The following MBP variants were observed in gnomAD, a reference collection of about 807,000 sequenced individuals.
The protein encoded by MBP is myelin basic protein.
A neutral mutation model predicts 35.8 loss-of-function variants in MBP; 16 were observed. The ratio of observed to expected loss-of-function variants is 0.45; its 90% CI spans 0.30 to 0.68. The LOEUF (loss-of-function observed/expected upper bound fraction) is 0.68. Among genes scored for constraint, MBP ranks in the 30% least tolerant of loss-of-function variants. MBP has a pLI of 0.08. For missense variants in MBP, 380 were observed against 404.7 expected (o/e 0.94, Z 0.52); for synonymous variants, 143 against 159.6 (o/e 0.90, Z 0.78).
intron 3 of MBP, among the ~76,000 whole-genome samples, chr18:77,027,104 G>A (rs1972254224): frequency 1.3e-5 from 2 of 152,038 alleles, no homozygotes; most frequent in African/African-American, 4.8e-5. Flanking sequence ...TCATAGGCCA[G>A]TAAAATAGGA....
chr18:77,087,327 A>T (rs1975285126), intron 2 of MBP: 1 of 152,244 alleles, frequency 6.6e-6, no homozygotes, highest in African/African-American at 2.4e-5. Flanking sequence ...AAAAAGGCCA[A>T]CATTGATGAT....
At chr18:77,096,039 T>C (rs1975745743) in intron 2 of MBP, among the ~76,000 whole-genome samples, 1 of 152,238 alleles carries the variant, frequency 6.6e-6, no homozygotes, top group Non-Finnish European at 1.5e-5. Context: ...CAGAACTCAC[T>C]AAAGATGTTA....
At chr18:77,094,452 G>A (rs1975675816) in intron 2 of MBP, among the ~76,000 whole-genome samples, 1 of 152,194 alleles carries the variant, frequency 6.6e-6, no homozygotes, top group Non-Finnish European at 1.5e-5. Context: ...CCCGGACTCT[G>A]CAGGAGGCAC....
intron 3 of MBP, among the ~76,000 whole-genome samples, chr18:77,062,645 A>G (rs1279445244): frequency 6.6e-6 from 1 of 152,236 alleles, no homozygotes; most frequent in Non-Finnish European, 1.5e-5. Context: ...GTGGATTGCT[A>G]AGAGAATGAC....
chr18:76,984,644 G>T, intron 8 of MBP, 131 bp downstream of exon 8: 1 of 1,301,282 alleles, frequency 7.7e-7, no homozygotes, highest in Non-Finnish European at 1.1e-6. Context: ...CTGCACGCCT[G>T]CTGGGACAGA....
intron 4 of MBP, among the ~76,000 whole-genome samples, chr18:77,000,232 C>A (rs1230675172): frequency 3.9e-5 from 6 of 152,212 alleles, no homozygotes; most frequent in Non-Finnish European, 5.9e-5. Flanking sequence ...AAAAATTCTA[C>A]CACCGAAGGA....
chr18:77,105,382 AATGCCCATTTT>A, intron 1 of MBP, 96 bp from the exon 2 acceptor site: 1 of 734,270 alleles, frequency 1.4e-6, no homozygotes, highest in Admixed American at 2.0e-5. Flanking sequence ...TGATATATGT[AATGCCCATTTT>A]TGAGAAGACG....
intron 3 of MBP, among the ~76,000 whole-genome samples, chr18:77,060,911 G>A (rs1219113120): frequency 6.6e-6 from 1 of 152,234 alleles, no homozygotes; most frequent in Non-Finnish European, 1.5e-5. Context: ...TTCCCAGGTG[G>A]AGTCTGTCTT....
chr18:77,039,712 T>C (rs1972907961), intron 3 of MBP, among the ~76,000 whole-genome samples: 1 of 152,166 alleles, frequency 6.6e-6, no homozygotes, highest in South Asian at 2.1e-4. Flanking sequence ...GAAAGTTGTT[T>C]CTTAGACAAA....
At chr18:76,984,925 CACCCGCGGTGCTGG>C in intron 7 of MBP, 31 bp from the exon 8 acceptor site, 1 of 1,610,446 alleles carries the variant, frequency 6.2e-7, no homozygotes, top group Non-Finnish European at 8.5e-7. Flanking sequence ...GCTCAACCTC[CACCCGCGGTGCTGG>C]GCACGCTGCT....
chr18:77,081,819 T>TATACACACACTATACAC (rs1555726071), intron 2 of MBP, among the ~76,000 whole-genome samples: 6 of 76,258 alleles, frequency 7.9e-5, no homozygotes, highest in East Asian at 7.6e-4. Flanking sequence ...CACACATATA[T>TATACACACACTATACAC]ACACACACAC....
At chr18:77,097,592 C>G (rs910048581) in intron 2 of MBP, 1 of 152,202 alleles carries the variant, frequency 6.6e-6, no homozygotes, top group East Asian at 1.9e-4. Context: ...CAGCCTGAGA[C>G]AATTCCAACC....
chr18:77,081,906 C>T (rs1974954264), intron 2 of MBP, among the ~76,000 whole-genome samples: 1 of 142,254 alleles, frequency 7.0e-6, no homozygotes. Flanking sequence ...GGCTGGAGTG[C>T]AGTGGCATGA....
chr18:77,018,064 G>A (rs1477326661), intron 3 of MBP, among the ~76,000 whole-genome samples: 1 of 152,154 alleles, frequency 6.6e-6, no homozygotes, highest in African/African-American at 2.4e-5. Context: ...CAGAAAACAG[G>A]ATTCACTCAC....
chr18:77,008,573 G>A (rs184193312), intron 4 of MBP, among the ~76,000 whole-genome samples: 4 of 152,064 alleles, frequency 2.6e-5, no homozygotes, highest in South Asian at 2.1e-4. Context: ...CTCCCCAGCC[G>A]CAGCCGCCAG....
At chr18:76,985,054 G>A (rs1367473897) in intron 7 of MBP, 160 bp from the exon 8 acceptor site, 2 of 1,482,220 alleles carry the variant, frequency 1.3e-6, no homozygotes, top group African/African-American at 1.4e-5. Context: ...CTGAGGGGGT[G>A]GGGGCGGGAG....
At chr18:77,028,601 C>T (rs1411798105) in intron 3 of MBP, among the ~76,000 whole-genome samples, 4 of 68,296 alleles carry the variant, frequency 5.9e-5, no homozygotes, top group Non-Finnish European at 1.2e-4. Context: ...CCGGACGGGG[C>T]GGCTGGCCGG....
At chr18:77,026,243 A>T (rs924705478) in intron 3 of MBP, among the ~76,000 whole-genome samples, 4 of 152,274 alleles carry the variant, frequency 2.6e-5, no homozygotes, top group Non-Finnish European at 5.9e-5. Context: ...GTCAGCCGCA[A>T]CCGGAGGCAG....
At position 76,988,771 on chromosome 18, in the gene MBP, T is replaced by C. The variant is rs1969719199; in HGVS notation, c.717+106A>G. 5 of 1,413,750 alleles carry C rather than the reference T, an allele frequency of 3.5e-6. No individual in the cohort carries two copies. The highest frequency in any genetic ancestry group is 1.3e-5 in the South Asian group (1 of 77,186). The allele number at this position is 1,413,750 out of a possible 1,614,324, so 87.6% of individuals were successfully genotyped here. A position where few individuals can be genotyped will look rare whatever the true frequency, so the allele number is the denominator to read the frequency against. On this transcript the variant is annotated intron_variant, in intron 6 of 8. Coordinates refer to ENST00000355994, the MANE Select transcript of MBP (RefSeq NM_001025101.2). This position sits in a 1 kb window ranked among gnomAD's most constrained non-coding sequence, Gnocchi z 5.2. ...AGCTGCCTGGCAACACGTTTTGGGA[T>C]GGATTCTGGTAGCTCGGAGCCTAAC...
Sources: allele counts gnomAD v4.1 joint callset (sites outside exome capture counted in the v4.1 genomes callset), GRCh38; gene constraint gnomAD v4.1.1; non-coding constraint Gnocchi (gnomAD v3.1); transcripts MANE v1.5; gene names NCBI Gene and HGNC (gene_info 2026-07-23, HGNC 2026-07-21).